The following CAMK2B variants were observed in gnomAD, a reference collection of about 807,000 sequenced individuals.
CAMK2B encodes the protein calcium/calmodulin-dependent protein kinase type II subunit beta.
A neutral mutation model predicts 93.7 loss-of-function variants in CAMK2B; 27 were observed. That is an observed-to-expected ratio of 0.29 (90% CI 0.21 to 0.40). CAMK2B has a LOEUF of 0.40. CAMK2B is among the 10% of genes least tolerant of loss of function. CAMK2B has a pLI of 1.00. For missense variants in CAMK2B, 568 were observed against 895.8 expected (o/e 0.63, Z 4.67); for synonymous variants, 374 against 358.8 (o/e 1.04, Z -0.48).
At chr7:44,279,427 G>A (rs575993140) in intron 2 of CAMK2B, among the ~76,000 whole-genome samples, 2 of 152,366 alleles carry the variant, frequency 1.3e-5, no homozygotes, top group African/African-American at 4.8e-5. Flanking sequence ...AAAGGGGTCG[G>A]CCTGCCCTCT....
intron 3 of CAMK2B, among the ~76,000 whole-genome samples, 184 bp from the exon 4 acceptor site, chr7:44,259,110 C>T (rs569059475): frequency 1.3e-5 from 2 of 152,238 alleles, no homozygotes; most frequent in Admixed American, 1.3e-4. Flanking sequence ...TTGGGCCCTG[C>T]GGGCCAGCTG....
chr7:44,321,395 T>C (rs1796050675), intron 1 of CAMK2B, among the ~76,000 whole-genome samples: 1 of 152,098 alleles, frequency 6.6e-6, no homozygotes, highest in African/African-American at 2.4e-5. Flanking sequence ...AAGGTCAGTT[T>C]TGGGCCTATC....
intron 1 of CAMK2B, among the ~76,000 whole-genome samples, chr7:44,317,423 T>C (rs1028692126): frequency 1.3e-5 from 2 of 152,174 alleles, no homozygotes; most frequent in African/African-American, 4.8e-5. Context: ...AATAGCTTAA[T>C]AATTTCTGTT....
intron 2 of CAMK2B, among the ~76,000 whole-genome samples, chr7:44,269,466 G>C (rs1401729470): frequency 6.6e-6 from 1 of 152,194 alleles, no homozygotes; most frequent in African/African-American, 2.4e-5. Flanking sequence ...AGCTGGCAGA[G>C]GCTTCTCTGC....
At chr7:44,241,897 C>G in intron 10 of CAMK2B, 114 bp from the exon 11 acceptor site, 1 of 818,566 alleles carries the variant, frequency 1.2e-6, no homozygotes, top group South Asian at 1.6e-5. Context: ...CACCGGCCAC[C>G]ATTGCGGCAA....
intron 1 of CAMK2B, among the ~76,000 whole-genome samples, chr7:44,300,006 A>G (rs1584767014): frequency 3.7e-5 from 5 of 135,574 alleles, no homozygotes; most frequent in Admixed American, 1.6e-4. Context: ...ATATGTATGT[A>G]TATGTGTATG....
At chr7:44,274,770 G>A (rs1390034084) in intron 2 of CAMK2B, among the ~76,000 whole-genome samples, 3 of 152,220 alleles carry the variant, frequency 2.0e-5, no homozygotes, top group African/African-American at 7.2e-5. Context: ...CAGGGGAGGG[G>A]GCTGTGCCCA....
chr7:44,291,585 T>C (rs1486089239), intron 1 of CAMK2B, among the ~76,000 whole-genome samples: 1 of 152,232 alleles, frequency 6.6e-6, no homozygotes, highest in African/African-American at 2.4e-5. Context: ...CGGGAGTTCC[T>C]GTTTTGTGTT....
intron 1 of CAMK2B, among the ~76,000 whole-genome samples, chr7:44,285,794 A>G (rs1374580409): frequency 8.1e-6 from 1 of 122,774 alleles, no homozygotes; most frequent in East Asian, 2.6e-4. Context: ...GGGGAGACCC[A>G]GCGGTGGGAG....
intron 5 of CAMK2B, among the ~76,000 whole-genome samples, chr7:44,253,484 A>G (rs1011263836): frequency 3.3e-5 from 5 of 152,228 alleles, no homozygotes; most frequent in African/African-American, 1.2e-4. Context: ...AAGTGTTGGA[A>G]TTACACGTGT....
chr7:44,254,675 T>C (rs373925264), intron 4 of CAMK2B, 68 bp from the exon 5 acceptor site: 4 of 979,656 alleles, frequency 4.1e-6, no homozygotes, highest in Non-Finnish European at 6.4e-6. Context: ...TCACCTCCAT[T>C]ACTACCACCA....
chr7:44,268,094 C>T (rs1413142166), intron 2 of CAMK2B: 3 of 152,350 alleles, frequency 2.0e-5, no homozygotes, highest in South Asian at 2.1e-4. Flanking sequence ...CACCCCCAGC[C>T]GAGCCCTGCA....
In CAMK2B at chr7:44,264,492, C is replaced by A. The variant is rs189105050; in HGVS notation, c.161-1428G>T. Reference sequence around the variant, plus strand: ...CCCAGGACAGGCATTCGTCTCCCTGCCCTGGCCACCTGGCTGCCATCTGCT... The same window carrying A: ...CCCAGGACAGGCATTCGTCTCCCTGACCTGGCCACCTGGCTGCCATCTGCT... On this transcript the variant is annotated intron_variant, in intron 2 of 23. Coordinates refer to ENST00000395749, the MANE Select transcript of CAMK2B (RefSeq NM_001220.5). 4.3e-3 allele frequency among the ~76,000 whole-genome samples: 650 copies of A among 152,290 alleles called. 13 individuals carry two copies. The highest frequency in any genetic ancestry group is 0.029 in the Admixed American group (440 of 15,306).
chr7:44,296,714 C>CA (rs1378532122), intron 1 of CAMK2B, among the ~76,000 whole-genome samples: 1 of 152,018 alleles, frequency 6.6e-6, no homozygotes, highest in Non-Finnish European at 1.5e-5. Flanking sequence ...TGTCAAGGGG[C>CA]AAAAAAGCAT....
At chr7:44,323,879 AG>A in intron 1 of CAMK2B, 1 of 161,810 alleles carries the variant, frequency 6.2e-6, no homozygotes, top group Non-Finnish European at 1.4e-5. Context: ...GGTGCATCTG[AG>A]GGGTGAAGAC....
At chr7:44,223,199 G>A (rs949928550) in intron 20 of CAMK2B, among the ~76,000 whole-genome samples, 11 of 152,226 alleles carry the variant, frequency 7.2e-5, no homozygotes, top group Non-Finnish European at 1.2e-4. Flanking sequence ...TGCCTGTGTT[G>A]TGTGGCGTGG....
intron 1 of CAMK2B, among the ~76,000 whole-genome samples, chr7:44,300,191 T>G (rs942587623): frequency 6.6e-6 from 1 of 152,080 alleles, no homozygotes; most frequent in Non-Finnish European, 1.5e-5. Context: ...TGTGCCACCA[T>G]GGCTGGCTAA....
chr7:44,253,085 C>T (rs1428659387), intron 5 of CAMK2B, among the ~76,000 whole-genome samples: 3 of 152,140 alleles, frequency 2.0e-5, no homozygotes, highest in African/African-American at 4.8e-5. Flanking sequence ...CGGGCCATGT[C>T]ACGATGGGCA....
intron 1 of CAMK2B, among the ~76,000 whole-genome samples, chr7:44,307,573 C>T (rs529157114): frequency 1.8e-4 from 28 of 152,116 alleles, no homozygotes; most frequent in African/African-American, 6.3e-4. Flanking sequence ...GAATTCCTCC[C>T]CTGCCCACAT....
Sources: allele counts gnomAD v4.1 joint callset (sites outside exome capture counted in the v4.1 genomes callset), GRCh38; gene constraint gnomAD v4.1.1; transcripts MANE v1.5; gene names NCBI Gene and HGNC (gene_info 2026-07-23, HGNC 2026-07-21).